Variants in NEMP2 observed in about 807,000 individuals in gnomAD.
The protein encoded by NEMP2 is nuclear envelope integral membrane protein 2, also known as UPF0571 transmembrane protein.
NEMP2 carries 53 observed loss-of-function variants against 54.2 expected under a neutral mutation model. That is an observed-to-expected ratio of 0.98 (90% confidence interval 0.78 to 1.23). NEMP2 has a LOEUF of 1.23. Ranked by LOEUF, NEMP2 falls within the 50% of genes most tolerant of loss-of-function variation. The pLI is 0.00. For missense variants in NEMP2, 455 were observed against 511.3 expected (o/e 0.89, Z 1.06); for synonymous variants, 197 against 190.3 (o/e 1.04, Z -0.29).
At chr2:190,436,832 A>C in the NEMP2 span, 1 of 1,614,158 alleles carries the variant, frequency 6.2e-7, no homozygotes, top group Non-Finnish European at 8.5e-7. This position sits in a 1 kb window ranked among gnomAD's most constrained non-coding sequence, Gnocchi z 5.3. Context: ...ACCACCACCA[A>C]ATCTTTACCT....
the NEMP2 span, among the ~76,000 whole-genome samples, chr2:190,591,500 GCC>G: frequency 1.3e-5 from 2 of 151,992 alleles, no homozygotes; most frequent in African/African-American, 4.8e-5. The surrounding 1 kb of genome is among the most constrained non-coding windows in gnomAD (Gnocchi z 5.4). Flanking sequence ...TGTGTGTGCT[GCC>G]CTTCAGAACC....
the NEMP2 span, among the ~76,000 whole-genome samples, chr2:190,630,491 C>T: frequency 6.6e-6 from 1 of 151,920 alleles, no homozygotes; most frequent in Non-Finnish European, 1.5e-5. This position sits in a 1 kb window ranked among gnomAD's most constrained non-coding sequence, Gnocchi z 5.5. Context: ...GCTGGGATTA[C>T]ACCCTGCCCT....
chr2:190,476,825 C>G, the NEMP2 span, among the ~76,000 whole-genome samples: 1 of 151,996 alleles, frequency 6.6e-6, no homozygotes, highest in Admixed American at 6.6e-5. Flanking sequence ...CAGTGATAGA[C>G]TGGATTAAGA....
chr2:190,575,682 T>C, the NEMP2 span, among the ~76,000 whole-genome samples: 1 of 152,108 alleles, frequency 6.6e-6, no homozygotes, highest in Non-Finnish European at 1.5e-5. Context: ...TGGCGAAGCC[T>C]CGTCTCTACT....
At chr2:190,590,269 G>C in the NEMP2 span, among the ~76,000 whole-genome samples, 11 of 152,290 alleles carry the variant, frequency 7.2e-5, 1 homozygote, top group South Asian at 2.3e-3. The surrounding 1 kb of genome is among the most constrained non-coding windows in gnomAD (Gnocchi z 5.1). Context: ...CTCTTTTCCA[G>C]ATTATGGTGT....
chr2:190,645,540 AT>A, the NEMP2 span, among the ~76,000 whole-genome samples: 5 of 152,236 alleles, frequency 3.3e-5, no homozygotes, highest in African/African-American at 1.2e-4. Context: ...ATTCATACTA[AT>A]AACATCTACA....
the NEMP2 span, among the ~76,000 whole-genome samples, chr2:190,620,027 T>C: frequency 6.6e-6 from 1 of 152,232 alleles, no homozygotes; most frequent in Admixed American, 6.5e-5. This position sits in a 1 kb window ranked among gnomAD's most constrained non-coding sequence, Gnocchi z 4.9. Context: ...TGTAAATCGA[T>C]GCTGTATCAT....
At chr2:190,431,065 C>T in the NEMP2 span, among the ~76,000 whole-genome samples, 442 of 144,200 alleles carry the variant, frequency 3.1e-3, no homozygotes, top group Middle Eastern at 8.8e-3. The surrounding 1 kb of genome is among the most constrained non-coding windows in gnomAD (Gnocchi z 4.4). Context: ...ACCTCCCAGA[C>T]GGGGTCGCAG....
chr2:190,527,640 C>A lies in NEMP2; in HGVS notation c.98-2262G>T, dbSNP rs973168500. On this transcript the variant is annotated intron_variant, in intron 1 of 8. Coordinates refer to ENST00000409150, the MANE Select transcript of NEMP2 (RefSeq NM_001142645.2). The surrounding 1 kb of genome is among the most constrained non-coding windows in gnomAD (Gnocchi z 4.0). ...CAGTAAAAACCACAAGAAGGAACCT[C>A]TAGAGCAAAGGTCCCCAACCCTGGG... 6.6e-6 allele frequency among the ~76,000 whole-genome samples: 1 copy of A among 152,126 alleles called. No homozygotes were observed. Among genetic ancestry groups the A allele is most frequent in the African/African-American group, 2.4e-5 (1 of 41,418 alleles).
the NEMP2 span, among the ~76,000 whole-genome samples, chr2:190,559,394 C>T: frequency 8.5e-5 from 13 of 152,210 alleles, no homozygotes; most frequent in Middle Eastern, 6.8e-3. The surrounding 1 kb of genome is among the most constrained non-coding windows in gnomAD (Gnocchi z 4.0). Context: ...ATTCAGGACC[C>T]TTGAGCGTAT....
At chr2:190,581,927 T>C in the NEMP2 span, among the ~76,000 whole-genome samples, 4 of 152,064 alleles carry the variant, frequency 2.6e-5, no homozygotes, top group African/African-American at 7.3e-5. Flanking sequence ...ACCACAAAAA[T>C]AGGCAAATGC....
the NEMP2 span, among the ~76,000 whole-genome samples, chr2:190,543,279 G>A: frequency 2.0e-5 from 3 of 152,232 alleles, no homozygotes; most frequent in African/African-American, 7.2e-5. The surrounding 1 kb of genome is among the most constrained non-coding windows in gnomAD (Gnocchi z 4.7). Flanking sequence ...CAGTGCTGAT[G>A]AACAGTCACT....
chr2:190,476,252 CCAT>C, the NEMP2 span, among the ~76,000 whole-genome samples: 1 of 151,942 alleles, frequency 6.6e-6, no homozygotes, highest in Non-Finnish European at 1.5e-5. Flanking sequence ...AAAGAAACTA[CCAT>C]CAGAGTGAAC....
At position 190,508,814 on chromosome 2, in the gene NEMP2, G is replaced by A. The variant is rs1690258185; in HGVS notation, c.*375C>T. 1 of 224,584 alleles carries A rather than the reference G, an allele frequency of 4.5e-6. No homozygotes were observed. Among genetic ancestry groups the A allele is most frequent in the South Asian group, 7.9e-5 (1 of 12,634 alleles). 13.9% of individuals were successfully genotyped at this position (224,584 alleles called of 1,614,324 possible). On this transcript the variant is annotated 3_prime_UTR_variant, in exon 9 of 9. Coordinates refer to ENST00000409150, the MANE Select transcript of NEMP2 (RefSeq NM_001142645.2). The surrounding 1 kb of genome is among the most constrained non-coding windows in gnomAD (Gnocchi z 4.3). Reference sequence around the variant, plus strand: ...GACGAACTATAGGAAGAGTATTGCAGAGTCTTCTGACACAGGTTCAGGGGA... The same window carrying A: ...GACGAACTATAGGAAGAGTATTGCAAAGTCTTCTGACACAGGTTCAGGGGA...
At chr2:190,630,663 C>A in the NEMP2 span, among the ~76,000 whole-genome samples, 1 of 152,106 alleles carries the variant, frequency 6.6e-6, no homozygotes, top group East Asian at 1.9e-4. The surrounding 1 kb of genome is among the most constrained non-coding windows in gnomAD (Gnocchi z 5.5). Flanking sequence ...TGGTTAATTT[C>A]ATAGAACCCT....
At chr2:190,554,466 G>C in the NEMP2 span, among the ~76,000 whole-genome samples, 5 of 152,196 alleles carry the variant, frequency 3.3e-5, no homozygotes, top group Non-Finnish European at 7.3e-5. The surrounding 1 kb of genome is among the most constrained non-coding windows in gnomAD (Gnocchi z 5.7). Context: ...GGAGCTTGGT[G>C]GAGGGAAGGG....
the NEMP2 span, among the ~76,000 whole-genome samples, chr2:190,463,012 C>A: frequency 6.6e-6 from 1 of 152,078 alleles, no homozygotes; most frequent in Non-Finnish European, 1.5e-5. This position sits in a 1 kb window ranked among gnomAD's most constrained non-coding sequence, Gnocchi z 4.4. Context: ...ACCAGCCAGT[C>A]CTGGAGTGGG....
the NEMP2 span, among the ~76,000 whole-genome samples, chr2:190,623,876 G>T: frequency 6.6e-6 from 1 of 152,150 alleles, no homozygotes. Context: ...AATCAGCAAA[G>T]TGAAGATACA....
chr2:190,583,172 T>G, the NEMP2 span, among the ~76,000 whole-genome samples: 1 of 152,120 alleles, frequency 6.6e-6, no homozygotes, highest in Admixed American at 6.6e-5. Context: ...TTAACGATTT[T>G]TAAAAACTTG....
Sources: gnomAD v4.1 joint callset for allele counts (sites outside exome capture counted in the v4.1 genomes callset) on GRCh38, gnomAD v4.1.1 for gene constraint, Gnocchi (gnomAD v3.1) non-coding constraint, MANE v1.5 for transcripts, NCBI Gene and HGNC (gene_info 2026-07-23, HGNC 2026-07-21) for gene names.